CDC25C: variants seen among roughly 807,000 people sequenced by gnomAD.
CDC25C encodes cell division cycle 25C, also known as M-phase inducer phosphatase 3.
CDC25C carries 48 observed loss-of-function variants against 52.5 expected under a neutral mutation model. That is an observed-to-expected ratio of 0.91 (90% CI 0.72 to 1.16). CDC25C has a LOEUF of 1.16. Ranked by LOEUF, CDC25C falls within the 50% of genes most tolerant of loss-of-function variation. The pLI, the probability that CDC25C is intolerant of heterozygous loss-of-function variation, is 0.00. For synonymous variants in CDC25C, 187 were observed against 206.5 expected (o/e 0.91, Z 0.81); for missense variants, 510 against 566.1 (o/e 0.90, Z 1.01).
In CDC25C at chr5:138,292,101, G is replaced by C. The variant is rs1756779686; in HGVS notation, c.631C>G (p.Leu211Val). ...TCTGGCATCGACGGGGAGCGATATA[G>C]GCCACTTCTGCTCACCTGTTTGGGA... is the stretch of plus-strand genomic sequence containing the variant. ...DQEAKVSRSG[L>V]YRSPSMPENL... The change falls in exon 8 of 14, where the codon CTA becomes GTA. Residue 211 changes from leucine (L) to valine (V), a missense_variant. By Grantham distance (32) the Leu-to-Val change is conservative. Transcript: ENST00000323760. 4 of 1,612,318 alleles carry C rather than the reference G, an allele frequency of 2.5e-6. No individual in the cohort carries two copies. In the Admixed American group the frequency reaches 6.7e-5, roughly 27 times the overall value.
chr5:138,285,615 T>C lies in CDC25C; in HGVS notation c.*77A>G. The stretch of plus-strand genomic sequence containing the variant: ...CTTTTAATAATCTTGGGTTTGGCCA[T>C]CCAGAAGGCCTCTTTCTGCTCAGGG... On this transcript the variant is annotated 3_prime_UTR_variant, in exon 14 of 14. Transcript: ENST00000323760. 1 of 1,394,154 alleles carries C rather than the reference T, an allele frequency of 7.2e-7. No individual in the cohort carries two copies. Among genetic ancestry groups the C allele is most frequent in the Non-Finnish European group, 1.0e-6 (1 of 1,002,470 alleles). 86.4% of individuals were successfully genotyped at this position (1,394,154 alleles called of 1,614,324 possible).
intron 7 of CDC25C, among the ~76,000 whole-genome samples, chr5:138,298,000 C>CT (rs879325877): frequency 1.2e-3 from 166 of 143,728 alleles, no homozygotes; most frequent in Non-Finnish European, 1.1e-3. Flanking sequence ...AGTATGGTAC[C>CT]TTTTTTTTTT....
intron 6 of CDC25C, 66 bp downstream of exon 6, chr5:138,325,749 G>T: frequency 9.1e-7 from 1 of 1,094,568 alleles, no homozygotes; most frequent in Non-Finnish European, 1.4e-6. Flanking sequence ...GTCTCATTAT[G>T]ATACCAAGTT....
At chr5:138,299,495 C>CAAAAAAAAAAAAAAAA (rs70982704) in intron 7 of CDC25C, among the ~76,000 whole-genome samples, 1 of 90,564 alleles carries the variant, frequency 1.1e-5, no homozygotes, top group African/African-American at 4.2e-5. Flanking sequence ...GACTCCGTCT[C>CAAAAAAAAAAAAAAAA]AAAAAAAAAA....
chr5:138,316,403 G>A (rs954796634), intron 7 of CDC25C, among the ~76,000 whole-genome samples: 7 of 152,210 alleles, frequency 4.6e-5, no homozygotes, highest in African/African-American at 1.7e-4. Context: ...AGGGACTGAG[G>A]GTGGTCAGTG....
chr5:138,333,261 G>A (rs1195243176), upstream of CDC25C, among the ~76,000 whole-genome samples: 1 of 152,186 alleles, frequency 6.6e-6, no homozygotes, highest in Non-Finnish European at 1.5e-5. Flanking sequence ...CTAAAGTGGG[G>A]TCATTATCAA....
At chr5:138,327,237 G>A (rs533189783) in intron 4 of CDC25C, among the ~76,000 whole-genome samples, 57 of 149,540 alleles carry the variant, frequency 3.8e-4, no homozygotes, top group Non-Finnish European at 7.6e-4. Context: ...CCTGGCAACA[G>A]AGCGAGACTC....
At chr5:138,316,265 G>A (rs191372866) in intron 7 of CDC25C, among the ~76,000 whole-genome samples, 144 of 152,336 alleles carry the variant, frequency 9.5e-4, no homozygotes, top group African/African-American at 3.3e-3. Context: ...TCAGAGTGGG[G>A]TTGGGGCAAG....
upstream of CDC25C, among the ~76,000 whole-genome samples, chr5:138,336,287 A>T (rs1760700739): frequency 6.6e-6 from 1 of 151,920 alleles, no homozygotes; most frequent in East Asian, 1.9e-4. Context: ...TGGGCGCCAC[A>T]ATGCCCAGCT....
intron 7 of CDC25C, among the ~76,000 whole-genome samples, chr5:138,318,223 G>C (rs1759057604): frequency 1.3e-5 from 2 of 152,142 alleles, no homozygotes; most frequent in South Asian, 4.1e-4. Flanking sequence ...TGAGGCAAGA[G>C]AATCACTTAA....
In CDC25C at chr5:138,298,996, C is replaced by G. The variant is rs187510032; in HGVS notation, c.616-6880G>C. ...TCACCTGGGGTTAGGAGTTCCAGAC[C>G]AGCCTGGCCATCATGGTGAAACCCC... On this transcript the variant is annotated intron_variant, in intron 7 of 13. Transcript: ENST00000323760. Among the ~76,000 whole-genome samples the G allele has an allele frequency of 2.7e-3, 400 of 150,538 alleles. 3 individuals carry two copies. The highest frequency in any genetic ancestry group is 0.01 in the Middle Eastern group (3 of 286).
In CDC25C at chr5:138,328,594, C is replaced by T. The variant is rs188340796; in HGVS notation, c.290-65G>A. ...TTGTCCATGCATCCTGTTTTTCCTTCAGATTTTCTTCATTACCAGTAAGCC... is the reference window on the plus strand; with the variant it reads ...TTGTCCATGCATCCTGTTTTTCCTTTAGATTTTCTTCATTACCAGTAAGCC... On this transcript the variant is annotated intron_variant, in intron 3 of 13. Coordinates refer to ENST00000323760, the MANE Select transcript of CDC25C (RefSeq NM_001790.5). 3.1e-3 allele frequency: 4,203 copies of T among 1,374,536 alleles called. 32 individuals are homozygous for T. Among genetic ancestry groups the T allele is most frequent in the Non-Finnish European group, 2.5e-3 (2,373 of 962,824 alleles). 85.1% of individuals were successfully genotyped at this position (1,374,536 alleles called of 1,614,324 possible). A position where few individuals can be genotyped will look rare whatever the true frequency, so the allele number is the denominator to read the frequency against.
intron 7 of CDC25C, among the ~76,000 whole-genome samples, chr5:138,293,691 G>A (rs1756927989): frequency 6.8e-6 from 1 of 147,322 alleles, no homozygotes; most frequent in Admixed American, 6.8e-5. Flanking sequence ...CTGTCACTCT[G>A]GTTGGAGTGC....
chr5:138,290,615 C>G (rs755517743), intron 9 of CDC25C, 24 bp downstream of exon 9: 5 of 1,279,774 alleles, frequency 3.9e-6, no homozygotes, highest in Non-Finnish European at 5.7e-6. Flanking sequence ...CACTGAAATA[C>G]AGGATGGGTG....
At chr5:138,297,031 C>T (rs1349108851) in intron 7 of CDC25C, among the ~76,000 whole-genome samples, 2 of 151,340 alleles carry the variant, frequency 1.3e-5, no homozygotes, top group Non-Finnish European at 1.5e-5. Flanking sequence ...CTGCCTCAGC[C>T]TCCCAAGTAG....
At chr5:138,298,628 T>C (rs930263713) in intron 7 of CDC25C, among the ~76,000 whole-genome samples, 3 of 152,002 alleles carry the variant, frequency 2.0e-5, no homozygotes, top group African/African-American at 7.2e-5. Context: ...CACATGCCTG[T>C]AGTCCCAGCT....
At position 138,326,029 on chromosome 5, in the gene CDC25C, A is replaced by G. The variant is rs1333492787; in HGVS notation, c.361T>C (p.Cys121Arg). 7.4e-6 allele frequency: 12 copies of G among 1,614,094 alleles called. No homozygotes were observed. Among genetic ancestry groups the G allele is most frequent in the Non-Finnish European group, 1.0e-5 (12 of 1,180,048 alleles). Reference protein sequence around the residue: ...GMNHDQHLMKCSPAQLLCSTP... With the variant: ...GMNHDQHLMKRSPAQLLCSTP... Reference sequence around the variant, plus strand: ...AAAGAGAGGCTACTCACTGGGCTACATTTCATTAGGTGCTGGTCATGATTC... The same window carrying G: ...AAAGAGAGGCTACTCACTGGGCTACGTTTCATTAGGTGCTGGTCATGATTC... Residue 121 changes from cysteine to arginine, a missense_variant, in exon 5 of 14, where the codon TGT becomes CGT. Cys to Arg is a radical substitution (Grantham distance 180). Transcript: ENST00000323760.
intron 7 of CDC25C, among the ~76,000 whole-genome samples, chr5:138,316,540 G>A (rs1758887230): frequency 6.6e-6 from 1 of 152,122 alleles, no homozygotes; most frequent in Non-Finnish European, 1.5e-5. Flanking sequence ...GGGCTTAAAG[G>A]CTGGGGACCG....
intron 3 of CDC25C, 65 bp downstream of exon 3, chr5:138,329,488 C>T: frequency 9.7e-7 from 1 of 1,030,684 alleles, no homozygotes; most frequent in Non-Finnish European, 1.5e-6. Flanking sequence ...TCTCTATCCT[C>T]CTTCCCTGTT....
Sources: allele counts gnomAD v4.1 joint callset (sites outside exome capture counted in the v4.1 genomes callset), GRCh38; gene constraint gnomAD v4.1.1; transcripts MANE v1.5; gene names NCBI Gene and HGNC (gene_info 2026-07-23, HGNC 2026-07-21).